PPARGC1A: variants seen among roughly 807,000 people sequenced by gnomAD.
PPARGC1A encodes PPARG coactivator 1 alpha.
PPARGC1A carries 25 observed loss-of-function variants against 88.7 expected under a neutral mutation model. The observed-to-expected ratio is 0.28, with a 90% CI of 0.21 to 0.39. The LOEUF (loss-of-function observed/expected upper bound fraction) is 0.39, where lower values mean the gene tolerates loss of function less well. Ranked by LOEUF, PPARGC1A falls within the 10% of genes least tolerant of loss-of-function variation. PPARGC1A has a pLI of 1.00. For synonymous variants in PPARGC1A, 363 were observed against 355.6 expected (o/e 1.02, Z -0.24); for missense variants, 880 against 968.7 (o/e 0.91, Z 1.22).
the PPARGC1A span, among the ~76,000 whole-genome samples, chr4:24,248,109 T>C: frequency 6.6e-6 from 1 of 152,118 alleles, no homozygotes; most frequent in Non-Finnish European, 1.5e-5. Flanking sequence ...GAGAACCCTG[T>C]ATTTCTTTCT....
the PPARGC1A span, among the ~76,000 whole-genome samples, chr4:24,336,469 A>G: frequency 6.6e-6 from 1 of 152,236 alleles, no homozygotes; most frequent in Non-Finnish European, 1.5e-5. Context: ...AAATATAAAG[A>G]GAGTAATCAC....
chr4:23,881,976 C>T (rs991852329), intron 2 of PPARGC1A: 3 of 152,152 alleles, frequency 2.0e-5, no homozygotes, highest in African/African-American at 7.2e-5. Flanking sequence ...CAGGGAAGAC[C>T]CAATTTTAGA....
chr4:23,899,802 G>C (rs1719073669), upstream of PPARGC1A, among the ~76,000 whole-genome samples: 1 of 152,164 alleles, frequency 6.6e-6, no homozygotes, highest in Non-Finnish European at 1.5e-5. Context: ...AGTCAACCGG[G>C]AGGAAGGCTC....
At chr4:24,263,377 TTCA>T in the PPARGC1A span, among the ~76,000 whole-genome samples, 1 of 152,130 alleles carries the variant, frequency 6.6e-6, no homozygotes, top group Non-Finnish European at 1.5e-5. Context: ...TCAATAAATA[TTCA>T]TCAAGTTCCT....
At chr4:23,937,996 G>T in the PPARGC1A span, among the ~76,000 whole-genome samples, 2 of 152,064 alleles carry the variant, frequency 1.3e-5, no homozygotes, top group African/African-American at 4.8e-5. Flanking sequence ...AAACACAGTT[G>T]GGCTTGGAGG....
At chr4:24,394,650 T>C in the PPARGC1A span, among the ~76,000 whole-genome samples, 1 of 152,232 alleles carries the variant, frequency 6.6e-6, no homozygotes, top group African/African-American at 2.4e-5. Flanking sequence ...GCTTGCACGC[T>C]GTATGTTTTC....
At chr4:23,870,705 T>C (rs1459301651) in intron 2 of PPARGC1A, among the ~76,000 whole-genome samples, 1 of 152,218 alleles carries the variant, frequency 6.6e-6, no homozygotes, top group African/African-American at 2.4e-5. Flanking sequence ...TTTCTGAATC[T>C]AGTTTGGCTT....
chr4:24,357,817 C>T, the PPARGC1A span, among the ~76,000 whole-genome samples: 19 of 152,260 alleles, frequency 1.2e-4, no homozygotes, highest in Admixed American at 3.3e-4. Flanking sequence ...TCTTGTCTGC[C>T]GCCACATAAG....
the PPARGC1A span, among the ~76,000 whole-genome samples, chr4:24,057,369 C>T: frequency 1.1e-4 from 16 of 150,254 alleles, no homozygotes; most frequent in African/African-American, 3.2e-4. Flanking sequence ...AAAAGAGTTC[C>T]GGAGATGGAT....
the PPARGC1A span, among the ~76,000 whole-genome samples, chr4:24,107,860 T>C: frequency 6.6e-6 from 1 of 152,168 alleles, no homozygotes; most frequent in Non-Finnish European, 1.5e-5. Flanking sequence ...AGTTTCAGAA[T>C]GGATGAGACT....
chr4:24,329,991 A>C, the PPARGC1A span, among the ~76,000 whole-genome samples: 7 of 152,336 alleles, frequency 4.6e-5, no homozygotes, highest in East Asian at 3.9e-4. Flanking sequence ...TGTACCATCA[A>C]ATCTACTGCC....
chr4:24,286,795 G>A, the PPARGC1A span, among the ~76,000 whole-genome samples: 65 of 152,246 alleles, frequency 4.3e-4, no homozygotes, highest in African/African-American at 1.5e-3. Context: ...AGCAGCGTAG[G>A]TGAGGAATTC....
chr4:23,931,861 G>A, the PPARGC1A span, among the ~76,000 whole-genome samples: 12 of 152,270 alleles, frequency 7.9e-5, no homozygotes, highest in African/African-American at 2.9e-4. Context: ...CAGATCCAAA[G>A]TCTGACTCCA....
the PPARGC1A span, among the ~76,000 whole-genome samples, chr4:23,949,140 A>AAT: frequency 6.6e-6 from 1 of 152,178 alleles, no homozygotes; most frequent in Non-Finnish European, 1.5e-5. Flanking sequence ...AGGAAATCAA[A>AAT]ATACAGATCA....
chr4:24,127,255 T>A, the PPARGC1A span, among the ~76,000 whole-genome samples: 1 of 151,838 alleles, frequency 6.6e-6, no homozygotes, highest in Admixed American at 6.6e-5. Flanking sequence ...CACCATTAGC[T>A]GCCAAGGCCA....
chr4:24,101,366 C>T, the PPARGC1A span, among the ~76,000 whole-genome samples: 1 of 152,182 alleles, frequency 6.6e-6, no homozygotes, highest in African/African-American at 2.4e-5. Flanking sequence ...AACTGTGAGC[C>T]AATTAAACCT....
At chr4:24,062,006 A>T in the PPARGC1A span, among the ~76,000 whole-genome samples, 2 of 152,204 alleles carry the variant, frequency 1.3e-5, no homozygotes, top group African/African-American at 4.8e-5. Flanking sequence ...CAAGGCTTTG[A>T]CACACAGGAC....
At position 23,824,370 on chromosome 4, in the gene PPARGC1A, A is replaced by G; in HGVS notation, c.804-17T>C. ...TTGGGGTCACTGGAAGATATGGCAC[A>G]TTTATAAAAACAAACTGAAATGGAG... On this transcript the variant is annotated splice_polypyrimidine_tract_variant and intron_variant, in intron 6 of 12. Coordinates refer to ENST00000264867, the MANE Select transcript of PPARGC1A (RefSeq NM_013261.5). 6.2e-7 allele frequency: 1 copy of G among 1,612,634 alleles called. No homozygotes were observed. Among genetic ancestry groups the G allele is most frequent in the Non-Finnish European group, 8.5e-7 (1 of 1,178,820 alleles).
the PPARGC1A span, among the ~76,000 whole-genome samples, chr4:24,411,352 A>C: frequency 6.6e-6 from 1 of 152,170 alleles, no homozygotes; most frequent in Non-Finnish European, 1.5e-5. Flanking sequence ...ATTATTTTTC[A>C]ATAGGTTTTA....
Sources: gnomAD v4.1 joint callset for allele counts (sites outside exome capture counted in the v4.1 genomes callset) on GRCh38, gnomAD v4.1.1 for gene constraint, MANE v1.5 for transcripts, NCBI Gene and HGNC (gene_info 2026-07-23, HGNC 2026-07-21) for gene names.